ZBTB43: variants seen among roughly 807,000 people sequenced by gnomAD.
ZBTB43 encodes the protein zinc finger and BTB domain-containing protein 43.
A neutral mutation model predicts 31.1 loss-of-function variants in ZBTB43; 6 were observed. The ratio of observed to expected loss-of-function variants is 0.19; its 90% confidence interval spans 0.11 to 0.38. The LOEUF is 0.38. ZBTB43 is among the 10% of genes least tolerant of loss of function. The pLI is 1.00. For synonymous variants in ZBTB43, 212 were observed against 221.7 expected (o/e 0.96, Z 0.39); for missense variants, 379 against 602.1 (o/e 0.63, Z 3.88).
chr9:126,822,369 T>TC (rs1374949534), intron 2 of ZBTB43, among the ~76,000 whole-genome samples: 1 of 152,190 alleles, frequency 6.6e-6, no homozygotes. Flanking sequence ...CAAAATGTTA[T>TC]CAAACAGCAT....
At chr9:126,807,595 G>GT (rs1211810322) in intron 1 of ZBTB43, among the ~76,000 whole-genome samples, 5 of 152,132 alleles carry the variant, frequency 3.3e-5, no homozygotes, top group Non-Finnish European at 7.4e-5. Context: ...TAATTGAAGA[G>GT]TATCATTTTC....
chr9:126,815,214 CTATA>C (rs569378031), intron 2 of ZBTB43, among the ~76,000 whole-genome samples: 97 of 109,724 alleles, frequency 8.8e-4, no homozygotes, highest in African/African-American at 1.3e-3. Flanking sequence ...ATATATAAAA[CTATA>C]TATATAGTTT....
chr9:126,812,760 T>C (rs940498062), intron 2 of ZBTB43, among the ~76,000 whole-genome samples: 6 of 152,198 alleles, frequency 3.9e-5, no homozygotes, highest in African/African-American at 1.4e-4. Flanking sequence ...AGTTGGGTTA[T>C]TTATCTTTTT....
chr9:126,825,842 ATTTT>A (rs72512629), intron 2 of ZBTB43, among the ~76,000 whole-genome samples: 6 of 91,202 alleles, frequency 6.6e-5, no homozygotes, highest in Admixed American at 1.3e-4. Context: ...TCCTTTTTAT[ATTTT>A]TTTTTTTTTT....
chr9:126,829,713 T>C (rs919806821), intron 2 of ZBTB43, among the ~76,000 whole-genome samples: 6 of 151,932 alleles, frequency 3.9e-5, no homozygotes, highest in African/African-American at 7.3e-5. Flanking sequence ...TTTACACCTT[T>C]CTATAATTTT....
At chr9:126,814,605 AAC>A (rs1356971621) in intron 2 of ZBTB43, among the ~76,000 whole-genome samples, 1 of 152,028 alleles carries the variant, frequency 6.6e-6, no homozygotes, top group Non-Finnish European at 1.5e-5. Context: ...CATCCTGGCT[AAC>A]ACAGTGAAAC....
At chr9:126,814,103 A>G (rs1030424919) in intron 2 of ZBTB43, among the ~76,000 whole-genome samples, 6 of 152,084 alleles carry the variant, frequency 3.9e-5, no homozygotes, top group African/African-American at 1.4e-4. Context: ...TGCCTACTTG[A>G]TTTATTAAGA....
Position 126,835,682 on chromosome 9 carries a change from TA to T in ZBTB43, c.*1774del. 1 of 166,804 alleles carries T rather than the reference TA, an allele frequency of 6.0e-6. No individual in the cohort carries two copies. The highest frequency in any genetic ancestry group is 1.9e-4 in the East Asian group (1 of 5,204). The allele number at this position is 166,804 out of a possible 1,614,324, so 10.3% of individuals were successfully genotyped here. ...ACAACACTGTATCATTCTCGATATA[TA>T]AAAAGCACTTTGTATTTAAAACTTT... On this transcript the variant is annotated 3_prime_UTR_variant, in exon 3 of 3. Transcript: ENST00000373464.
intron 2 of ZBTB43, among the ~76,000 whole-genome samples, chr9:126,810,978 T>A (rs899929898): frequency 4.6e-5 from 7 of 151,662 alleles, no homozygotes; most frequent in Non-Finnish European, 1.0e-4. Context: ...CCCAGCACTT[T>A]GGGAGGCCAA....
chr9:126,817,096 G>GT (rs2032402127), intron 2 of ZBTB43, among the ~76,000 whole-genome samples: 2 of 108,640 alleles, frequency 1.8e-5, no homozygotes, highest in African/African-American at 4.1e-5. Context: ...CATTTCCACT[G>GT]TATCTTTTTT....
At chr9:126,819,239 C>T (rs918893181) in intron 2 of ZBTB43, among the ~76,000 whole-genome samples, 15 of 148,794 alleles carry the variant, frequency 1.0e-4, no homozygotes, top group African/African-American at 3.0e-4. Context: ...CTGACATGTC[C>T]TATACAGGCA....
At chr9:126,813,421 C>T (rs1251534818) in intron 2 of ZBTB43, among the ~76,000 whole-genome samples, 2 of 152,202 alleles carry the variant, frequency 1.3e-5, no homozygotes. Context: ...TAGAAGTTTT[C>T]AGTGCTGCCC....
At position 126,824,563 on chromosome 9, in the gene ZBTB43, T is replaced by C. The variant is rs2032590086; in HGVS notation, c.-23-7924T>C. On this transcript the variant is annotated intron_variant, in intron 2 of 2. Transcript: ENST00000373464. ...CAGATCTTAATTGACAGATTTCTTTTTTTAAGCGCTTTAAATAGATTGTCC... is the reference window on the plus strand; with the variant it reads ...CAGATCTTAATTGACAGATTTCTTTCTTTAAGCGCTTTAAATAGATTGTCC... Among the ~76,000 whole-genome samples the C allele has an allele frequency of 2.0e-5, 3 of 152,348 alleles. No homozygotes were observed. The South Asian group carries it at 6.2e-4, about 32-fold the overall frequency.
rs1426079551 is a variant in ZBTB43, at chr9:126,833,700, T to G, written c.1191T>G (p.Leu397=). Residue 397 remains leucine (L), a synonymous_variant, in exon 3 of 3, where the codon CTT becomes CTG. Coordinates refer to ENST00000373464, the MANE Select transcript of ZBTB43 (RefSeq NM_014007.4). The surrounding 1 kb of genome is among the most constrained non-coding windows in gnomAD (Gnocchi z 7.9). ...GGCACATGAGCATGCACCTCGGTCT[T>G]CGGCCTTACGGCTGTGGGGTCTGCG... is the stretch of plus-strand genomic sequence containing the variant. ...RDRHMSMHLG[L]RPYGCGVCGK... is the part of the protein sequence containing the mutation. 6.2e-7 allele frequency: 1 copy of G among 1,607,746 alleles called. No individual in the cohort carries two copies. Among genetic ancestry groups the G allele is most frequent in the Admixed American group, 1.7e-5 (1 of 59,890 alleles).
chr9:126,816,010 G>C (rs189655479), intron 2 of ZBTB43, among the ~76,000 whole-genome samples: 1 of 152,124 alleles, frequency 6.6e-6, no homozygotes, highest in Admixed American at 6.6e-5. Context: ...TGTTTGGCAG[G>C]ACCAGAACTG....
chr9:126,812,704 T>A (rs527777350), intron 2 of ZBTB43, among the ~76,000 whole-genome samples: 1 of 152,370 alleles, frequency 6.6e-6, no homozygotes, highest in African/African-American at 2.4e-5. Context: ...GTTATTTGTA[T>A]ATCTTCTTTG....
rs770655227 is a variant in ZBTB43 at position 126,834,627 on chromosome 9, T to C, written c.*714T>C. On this transcript the variant is annotated 3_prime_UTR_variant, in exon 3 of 3. Coordinates refer to ENST00000373464, the MANE Select transcript of ZBTB43 (RefSeq NM_014007.4). ...AGTGTTTTGTATTTTAGTTCTAACA[T>C]TGAGTTTGGACAATTTTATCTAATT... 1 of 166,974 alleles carries C rather than the reference T, an allele frequency of 6.0e-6. No homozygotes were observed. Among genetic ancestry groups the C allele is most frequent in the African/African-American group, 2.4e-5 (1 of 41,460 alleles). 10.3% of individuals were successfully genotyped at this position (166,974 alleles called of 1,614,324 possible).
In ZBTB43 at chr9:126,837,328, G is replaced by C. The variant is rs1037169103; in HGVS notation, c.*3415G>C. 6.0e-6 allele frequency: 1 copy of C among 167,048 alleles called. No individual in the cohort carries two copies. Among genetic ancestry groups the C allele is most frequent in the Non-Finnish European group, 1.5e-5 (1 of 68,106 alleles). The allele number at this position is 167,048 out of a possible 1,614,324, so 10.3% of individuals were successfully genotyped here. ...GTCCCTTTTGGCCACTACTTTAAAA[G>C]CTTGCCCAAAGGGATCCCCTCCATT... On this transcript the variant is annotated 3_prime_UTR_variant, in exon 3 of 3. Coordinates refer to ENST00000373464, the MANE Select transcript of ZBTB43 (RefSeq NM_014007.4).
intron 2 of ZBTB43, among the ~76,000 whole-genome samples, chr9:126,825,043 C>T (rs1220011873): frequency 6.6e-6 from 1 of 152,126 alleles, no homozygotes; most frequent in East Asian, 1.9e-4. Flanking sequence ...CTCCTGTACT[C>T]AAGTGATCCT....
Sources: allele counts gnomAD v4.1 joint callset (sites outside exome capture counted in the v4.1 genomes callset), GRCh38; gene constraint gnomAD v4.1.1; non-coding constraint Gnocchi (gnomAD v3.1); transcripts MANE v1.5; gene names NCBI Gene and HGNC (gene_info 2026-07-23, HGNC 2026-07-21).